Variants in ZKSCAN1 observed in about 807,000 individuals in gnomAD.
The protein encoded by ZKSCAN1 is zinc finger protein with KRAB and SCAN domains 1.
A neutral mutation model predicts 51.6 loss-of-function variants in ZKSCAN1; 14 were observed. That is an observed-to-expected ratio of 0.27 (90% CI 0.18 to 0.42). The LOEUF (loss-of-function observed/expected upper bound fraction) is 0.42. Ranked by LOEUF, ZKSCAN1 falls within the 10% of genes least tolerant of loss-of-function variation. ZKSCAN1 has a pLI of 1.00. For missense variants in ZKSCAN1, 531 were observed against 710.0 expected, an observed-to-expected ratio of 0.75 and a Z score of 2.86; for synonymous variants, 263 against 261.5, an observed-to-expected ratio of 1.01 and a Z score of -0.06.
Position 100,034,217 on chromosome 7 carries a change from G to A in ZKSCAN1, c.*20G>A. 6.7e-7 allele frequency: 1 copy of A among 1,499,448 alleles called. No individual in the cohort carries two copies. The highest frequency in any genetic ancestry group is 1.8e-4 in the Middle Eastern group (1 of 5,586). 92.9% of individuals were successfully genotyped at this position (1,499,448 alleles called of 1,614,324 possible). On this transcript the variant is annotated 3_prime_UTR_variant, in exon 6 of 6. Coordinates refer to ENST00000324306, the MANE Select transcript of ZKSCAN1 (RefSeq NM_003439.4). ...GTGTAAAGGAAGAATTTGCCATCAA[G>A]CCATTTCCCCCTTTTGTTTCTAAAA... is the stretch of plus-strand genomic sequence containing the variant.
chr7:100,039,086 C>T lies in ZKSCAN1; in HGVS notation c.*4889C>T, dbSNP rs1584356115. On this transcript the variant is annotated 3_prime_UTR_variant, in exon 6 of 6. Transcript: ENST00000324306. ...CAGCACTTTGGGAGGCAGAGGTGGG[C>T]GGATCACTTGAGGTCAGGAGTTTGA... The T allele has an allele frequency of 2.6e-5, 4 of 155,516 alleles. No individual in the cohort carries two copies. In the South Asian group the frequency reaches 6.2e-4, roughly 24 times the overall value. 9.6% of individuals were successfully genotyped at this position (155,516 alleles called of 1,614,324 possible).
Position 100,034,649 on chromosome 7 carries a change from G to A in ZKSCAN1, c.*452G>A, listed in dbSNP as rs1584349775. The A allele has an allele frequency of 1.2e-6, 1 of 822,004 alleles. No homozygotes were observed. The highest frequency in any genetic ancestry group is 1.2e-4 in the East Asian group (1 of 8,090). 50.9% of individuals were successfully genotyped at this position (822,004 alleles called of 1,614,324 possible). On this transcript the variant is annotated 3_prime_UTR_variant, in exon 6 of 6. Coordinates refer to ENST00000324306, the MANE Select transcript of ZKSCAN1 (RefSeq NM_003439.4). The stretch of plus-strand genomic sequence containing the variant: ...GCTTATTTCTCAAAAAAGAGGGACA[G>A]TGAAAACAAAAACGACATTGGGACA...
chr7:100,029,323 G>A (rs1790997715), intron 3 of ZKSCAN1, among the ~76,000 whole-genome samples: 1 of 152,054 alleles, frequency 6.6e-6, no homozygotes, highest in Admixed American at 6.6e-5. Context: ...TGGAGTGCGT[G>A]ATCATAGCTC....
In ZKSCAN1 at chr7:100,018,102, CG is replaced by C. The variant is rs1232680271; in HGVS notation, c.-89+2377del. On this transcript the variant is annotated intron_variant, in intron 1 of 5. Transcript: ENST00000324306. ...CCCATTATACAGATGAGGAAACTGA[CG>C]CATAGAGAGGTTAACTTGTTGACTT... is the stretch of plus-strand genomic sequence containing the variant. 5.3e-5 allele frequency among the ~76,000 whole-genome samples: 8 copies of C among 152,224 alleles called. No homozygotes were observed. The East Asian group carries it at 1.5e-3, about 29-fold the overall frequency.
At position 100,023,405 on chromosome 7, in the gene ZKSCAN1, T is replaced by C; in HGVS notation, c.-88-14T>C. On this transcript the variant is annotated splice_polypyrimidine_tract_variant and intron_variant, in intron 1 of 5. Coordinates refer to ENST00000324306, the MANE Select transcript of ZKSCAN1 (RefSeq NM_003439.4). ...GTAAAGGTACGTACTAATGACTTTT[T>C]TTTTATACTTCAGGAATAGTAAAGA... is the stretch of plus-strand genomic sequence containing the variant. The C allele has an allele frequency of 1.5e-6, 2 of 1,371,192 alleles. No individual in the cohort carries two copies. Among genetic ancestry groups the C allele is most frequent in the Non-Finnish European group, 2.0e-6 (2 of 1,009,500 alleles). The allele number at this position is 1,371,192 out of a possible 1,614,324, so 84.9% of individuals were successfully genotyped here. A position where few individuals can be genotyped will look rare whatever the true frequency, so the allele number is the denominator to read the frequency against.
downstream of ZKSCAN1, chr7:100,041,806 A>G: frequency 1.1e-6 from 1 of 938,610 alleles, no homozygotes; most frequent in Non-Finnish European, 1.3e-6. Context: ...GCTGCAACCC[A>G]CAAACAAAAT....
chr7:100,022,918 T>G (rs966913646), intron 1 of ZKSCAN1, among the ~76,000 whole-genome samples: 2 of 152,156 alleles, frequency 1.3e-5, no homozygotes, highest in Non-Finnish European at 2.9e-5. Context: ...GCAAACACCC[T>G]GAGGGTGGAG....
rs1791390292 is a variant in ZKSCAN1 at position 100,036,957 on chromosome 7, C to CA, written c.*2761dup. On this transcript the variant is annotated 3_prime_UTR_variant, in exon 6 of 6. Transcript: ENST00000324306. The stretch of plus-strand genomic sequence containing the variant: ...CACATTTAATTCCGTTTCATGGAGA[C>CA]ATCTTCCTGACTTTGTTGGATAGCT... 6.1e-6 allele frequency: 6 copies of CA among 985,268 alleles called. No individual in the cohort carries two copies. The highest frequency in any genetic ancestry group is 6.0e-6 in the Non-Finnish European group (5 of 829,916). The allele number at this position is 985,268 out of a possible 1,614,324, so 61.0% of individuals were successfully genotyped here.
rs1359409209 is a variant in ZKSCAN1 at position 100,039,379 on chromosome 7, C to T, written c.*5182C>T. The T allele has an allele frequency of 6.1e-6, 6 of 985,112 alleles. No homozygotes were observed. The highest frequency in any genetic ancestry group is 1.7e-5 in the African/African-American group (1 of 57,148). 61.0% of individuals were successfully genotyped at this position (985,112 alleles called of 1,614,324 possible). Reference sequence around the variant, plus strand: ...GGAGAACAGCAAGGTGGGCATTTCCCGGAATTGTGTGCAGATGCATCCAGT... The same window carrying T: ...GGAGAACAGCAAGGTGGGCATTTCCTGGAATTGTGTGCAGATGCATCCAGT... On this transcript the variant is annotated 3_prime_UTR_variant, in exon 6 of 6. Coordinates refer to ENST00000324306, the MANE Select transcript of ZKSCAN1 (RefSeq NM_003439.4).
downstream of ZKSCAN1, among the ~76,000 whole-genome samples, chr7:100,041,910 C>T (rs1385322890): frequency 6.6e-6 from 1 of 152,170 alleles, no homozygotes; most frequent in Non-Finnish European, 1.5e-5. Context: ...CAGCCAAGGG[C>T]ATTCCAAAGT....
chr7:100,023,713 G>A lies in ZKSCAN1; in HGVS notation c.207G>A (p.Gly69=), dbSNP rs1184055673. 2.5e-6 allele frequency: 4 copies of A among 1,614,086 alleles called. No individual in the cohort carries two copies. Among genetic ancestry groups the A allele is most frequent in the Non-Finnish European group, 2.5e-6 (3 of 1,180,044 alleles). Residue 69 remains glycine (G), a synonymous_variant, in exon 2 of 6, where the codon GGG becomes GGA. Coordinates refer to ENST00000324306, the MANE Select transcript of ZKSCAN1 (RefSeq NM_003439.4). ...GCTTCTGTTACCAGAACACTTTTGGGCCCCGAGAGGCTCTCAGTCGGCTGA... is the reference window on the plus strand; with the variant it reads ...GCTTCTGTTACCAGAACACTTTTGGACCCCGAGAGGCTCTCAGTCGGCTGA... ...FRRFCYQNTF[G]PREALSRLKE... is the part of the protein sequence containing the mutation.
chr7:100,037,371 T>C lies in ZKSCAN1; in HGVS notation c.*3174T>C, dbSNP rs1356032394. 1.0e-6 allele frequency: 1 copy of C among 985,438 alleles called. No individual in the cohort carries two copies. Among genetic ancestry groups the C allele is most frequent in the Non-Finnish European group, 1.2e-6 (1 of 829,924 alleles). 61.0% of individuals were successfully genotyped at this position (985,438 alleles called of 1,614,324 possible). Reference sequence around the variant, plus strand: ...TCTACTCCAGCCTGGCAGGCAAGGCTAAAACCTGAGATTATCGATCTATGA... The same window carrying C: ...TCTACTCCAGCCTGGCAGGCAAGGCCAAAACCTGAGATTATCGATCTATGA... On this transcript the variant is annotated 3_prime_UTR_variant, in exon 6 of 6. Coordinates refer to ENST00000324306, the MANE Select transcript of ZKSCAN1 (RefSeq NM_003439.4).
intron 3 of ZKSCAN1, among the ~76,000 whole-genome samples, chr7:100,025,985 C>A (rs968470311): frequency 3.9e-5 from 6 of 152,012 alleles, no homozygotes; most frequent in African/African-American, 1.5e-4. Flanking sequence ...CTTTAGGAGG[C>A]CAAGGCAGGC....
In ZKSCAN1 at chr7:100,036,828, C is replaced by T. The variant is rs1791382260; in HGVS notation, c.*2631C>T. 3.2e-6 allele frequency: 3 copies of T among 946,364 alleles called. No individual in the cohort carries two copies. The highest frequency in any genetic ancestry group is 3.7e-6 in the Non-Finnish European group (3 of 815,048). The allele number at this position is 946,364 out of a possible 1,614,324, so 58.6% of individuals were successfully genotyped here. A position where few individuals can be genotyped will look rare whatever the true frequency, so the allele number is the denominator to read the frequency against. On this transcript the variant is annotated 3_prime_UTR_variant, in exon 6 of 6. Coordinates refer to ENST00000324306, the MANE Select transcript of ZKSCAN1 (RefSeq NM_003439.4). ...GGACTTTGGTCATGTTTACATTGGC[C>T]TTTGGTTTTTTTTTTTCTTTCAGCC...
At position 100,034,413 on chromosome 7, in the gene ZKSCAN1, T is replaced by C; in HGVS notation, c.*216T>C. On this transcript the variant is annotated 3_prime_UTR_variant, in exon 6 of 6. Transcript: ENST00000324306. ...AGCCCCTGCAGGGAAAGGCTAATCT[T>C]ACGGATAATCCACGTGAGATTTCCA... The C allele has an allele frequency of 1.6e-6, 2 of 1,290,138 alleles. No homozygotes were observed. Among genetic ancestry groups the C allele is most frequent in the Non-Finnish European group, 2.0e-6 (2 of 1,023,024 alleles). 79.9% of individuals were successfully genotyped at this position (1,290,138 alleles called of 1,614,324 possible).
At chr7:100,029,566 G>T (rs1209743167) in intron 3 of ZKSCAN1, among the ~76,000 whole-genome samples, 1 of 152,144 alleles carries the variant, frequency 6.6e-6, no homozygotes, top group African/African-American at 2.4e-5. Flanking sequence ...CTGCCACTGG[G>T]AATGTGACAT....
At position 100,035,770 on chromosome 7, in the gene ZKSCAN1, CTT is replaced by C; in HGVS notation, c.*1575_*1576del. On this transcript the variant is annotated 3_prime_UTR_variant, in exon 6 of 6. Coordinates refer to ENST00000324306, the MANE Select transcript of ZKSCAN1 (RefSeq NM_003439.4). ...TAAAGACTGAGGTGAGGTTATGAAACTTTCATTGGTCCCATCGTTGTGCGCAG... is the reference window on the plus strand; with the variant it reads ...TAAAGACTGAGGTGAGGTTATGAAACTCATTGGTCCCATCGTTGTGCGCAG... The C allele has an allele frequency of 1.1e-6, 1 of 913,100 alleles. No homozygotes were observed. The highest frequency in any genetic ancestry group is 1.3e-6 in the Non-Finnish European group (1 of 764,186). The allele number at this position is 913,100 out of a possible 1,614,324, so 56.6% of individuals were successfully genotyped here. A position where few individuals can be genotyped will look rare whatever the true frequency, so the allele number is the denominator to read the frequency against.
chr7:100,032,391 G>A (rs763326363), intron 5 of ZKSCAN1, among the ~76,000 whole-genome samples: 21 of 151,956 alleles, frequency 1.4e-4, no homozygotes, highest in Non-Finnish European at 2.6e-4. Flanking sequence ...CATTCCCCTT[G>A]TGTCTGTTTC....
Position 100,023,477 on chromosome 7 carries a change from G to C in ZKSCAN1, c.-30G>C. On this transcript the variant is annotated 5_prime_UTR_variant, in exon 2 of 6. Transcript: ENST00000324306. ...GGACATAAAGGTGAGCACAGACCCT[G>C]TTTGGATCAAGTCAGTTCCTGGAGC... 1 of 1,589,356 alleles carries C rather than the reference G, an allele frequency of 6.3e-7. No homozygotes were observed. Among genetic ancestry groups the C allele is most frequent in the Non-Finnish European group, 8.6e-7 (1 of 1,169,008 alleles).
Sources: gnomAD v4.1 joint callset for allele counts (sites outside exome capture counted in the v4.1 genomes callset) on GRCh38, gnomAD v4.1.1 for gene constraint, MANE v1.5 for transcripts, NCBI Gene and HGNC (gene_info 2026-07-23, HGNC 2026-07-21) for gene names.